RBFOX1: variants seen among roughly 807,000 people sequenced by gnomAD.
RBFOX1 encodes RNA binding protein fox-1 homolog 1.
RBFOX1 carries 8 observed loss-of-function variants against 57.7 expected under a neutral mutation model. That is an observed-to-expected ratio of 0.14 (90% CI 0.08 to 0.25). The LOEUF (loss-of-function observed/expected upper bound fraction) is 0.25, where lower values mean the gene tolerates loss of function less well. Among genes scored for constraint, RBFOX1 ranks in the 10% least tolerant of loss-of-function variants. The pLI, the probability that RBFOX1 is intolerant of heterozygous loss-of-function variation, is 1.00. For synonymous variants in RBFOX1, 326 were observed against 222.4 expected (o/e 1.47, Z -4.15); for missense variants, 611 against 548.5 (o/e 1.11, Z -1.14).
chr16:7,695,397 GA>G (rs35782295), intron 14 of RBFOX1, among the ~76,000 whole-genome samples: 94,234 of 151,798 alleles, frequency 0.62, 29,384 homozygotes, highest in Middle Eastern at 0.67. Context: ...CCTACATGCT[GA>G]AAAAACCTGC....
intron 2 of RBFOX1, among the ~76,000 whole-genome samples, chr16:6,379,722 A>G (rs1412375002): frequency 1.3e-5 from 2 of 151,254 alleles, no homozygotes; most frequent in African/African-American, 4.9e-5. Flanking sequence ...TGTAATCATG[A>G]TGGTGGGAAT....
In RBFOX1 at chr16:6,905,916, A is replaced by T. The variant is rs191797713; in HGVS notation, c.-15-146141A>T. 2.2e-3 allele frequency among the ~76,000 whole-genome samples: 338 copies of T among 152,252 alleles called. 2 individuals carry two copies. Among genetic ancestry groups the T allele is most frequent in the Middle Eastern group, 0.01 (3 of 294 alleles). On this transcript the variant is annotated intron_variant, in intron 3 of 15. Coordinates refer to ENST00000550418, the MANE Select transcript of RBFOX1 (RefSeq NM_018723.4). ...GTGTCCACAGGCTTTCTCTGTAGTG[A>T]CATTGACTTCCTTCTGCCCTTGTGT...
intron 4 of RBFOX1, among the ~76,000 whole-genome samples, chr16:7,140,896 G>C (rs922471): frequency 0.64 from 97,307 of 152,082 alleles, 34,786 homozygotes; most frequent in South Asian, 0.8. Context: ...ATTAGGCGTT[G>C]GCATCTTTCC....
At chr16:5,978,686 T>G (rs571196139) in intron 4 of RBFOX1, among the ~76,000 whole-genome samples, 33 of 152,056 alleles carry the variant, frequency 2.2e-4, no homozygotes, top group African/African-American at 7.5e-4. Flanking sequence ...TTGTTTTTTT[T>G]TTTGTTGTTG....
At chr16:5,767,093 C>T (rs1394416673) in intron 3 of RBFOX1, among the ~76,000 whole-genome samples, 4 of 152,202 alleles carry the variant, frequency 2.6e-5, no homozygotes, top group Admixed American at 1.3e-4. Flanking sequence ...AGACAGAAAC[C>T]GTGTTTGCAC....
chr16:5,564,068 C>A (rs577193300), intron 2 of RBFOX1, among the ~76,000 whole-genome samples: 40 of 152,208 alleles, frequency 2.6e-4, no homozygotes, highest in African/African-American at 9.6e-4. Flanking sequence ...GGCTGGAGTG[C>A]AGTGGTGCGA....
chr16:5,711,099 A>G (rs758171439), intron 3 of RBFOX1, among the ~76,000 whole-genome samples: 20 of 152,316 alleles, frequency 1.3e-4, no homozygotes, highest in Non-Finnish European at 2.1e-4. Context: ...TGTAGTAATG[A>G]TTGCATAATT....
At chr16:7,064,470 G>A (rs2055428124) in intron 4 of RBFOX1, among the ~76,000 whole-genome samples, 1 of 151,912 alleles carries the variant, frequency 6.6e-6, no homozygotes, top group Non-Finnish European at 1.5e-5. Flanking sequence ...TGCCTGGCTG[G>A]GTGGTGTTCT....
chr16:7,113,803 C>T (rs980402713), intron 4 of RBFOX1, among the ~76,000 whole-genome samples: 1 of 152,018 alleles, frequency 6.6e-6, no homozygotes, highest in African/African-American at 2.4e-5. Flanking sequence ...CATTAAAGTT[C>T]CCTCCCGTGC....
At chr16:7,242,514 A>G (rs2094116733) in intron 4 of RBFOX1, among the ~76,000 whole-genome samples, 1 of 152,168 alleles carries the variant, frequency 6.6e-6, no homozygotes, top group African/African-American at 2.4e-5. Context: ...CATCCTCATT[A>G]CACATTGACT....
intron 3 of RBFOX1, among the ~76,000 whole-genome samples, chr16:6,990,720 C>T (rs1419462097): frequency 6.6e-6 from 1 of 152,066 alleles, no homozygotes; most frequent in Non-Finnish European, 1.5e-5. Flanking sequence ...TGAGCTTGGA[C>T]AAGTTTCTTA....
intron 2 of RBFOX1, among the ~76,000 whole-genome samples, chr16:6,546,163 G>A (rs1392853808): frequency 6.6e-6 from 1 of 152,202 alleles, no homozygotes; most frequent in Non-Finnish European, 1.5e-5. Flanking sequence ...GTGGGCCATG[G>A]GTTGGACAAG....
intron 4 of RBFOX1, among the ~76,000 whole-genome samples, chr16:5,872,667 T>C (rs981167349): frequency 1.9e-4 from 29 of 151,698 alleles, no homozygotes; most frequent in African/African-American, 7.0e-4. Flanking sequence ...GCCCAGGAGG[T>C]TGAGGTTGCA....
intron 1 of RBFOX1, among the ~76,000 whole-genome samples, chr16:5,414,549 G>C (rs932244315): frequency 5.3e-5 from 8 of 152,142 alleles, no homozygotes; most frequent in Non-Finnish European, 1.2e-4. Context: ...TAGGCCTTAT[G>C]GCTTTCATCA....
intron 4 of RBFOX1, among the ~76,000 whole-genome samples, chr16:7,212,196 A>T (rs2091273277): frequency 6.6e-6 from 1 of 152,172 alleles, no homozygotes; most frequent in Non-Finnish European, 1.5e-5. Flanking sequence ...TGAGTGACAT[A>T]GGTCTTTTAG....
chr16:7,341,615 G>A (rs1023121054), intron 4 of RBFOX1, among the ~76,000 whole-genome samples: 4 of 152,154 alleles, frequency 2.6e-5, no homozygotes, highest in Non-Finnish European at 4.4e-5. Context: ...TTTATGCACA[G>A]TCCAAAGAAG....
At chr16:7,096,040 G>GAA (rs1367709847) in intron 4 of RBFOX1, among the ~76,000 whole-genome samples, 1 of 148,274 alleles carries the variant, frequency 6.7e-6, no homozygotes, top group East Asian at 2.0e-4. Flanking sequence ...GAAAAGAAAA[G>GAA]AAAAAATAAA....
At chr16:7,180,272 TATGTA>T (rs903174350) in intron 4 of RBFOX1, among the ~76,000 whole-genome samples, 5 of 152,198 alleles carry the variant, frequency 3.3e-5, no homozygotes, top group Admixed American at 6.5e-5. Context: ...TTTATGTCCT[TATGTA>T]ATGCTCTAGG....
intron 1 of RBFOX1, among the ~76,000 whole-genome samples, chr16:5,249,139 A>G (rs1461144764): frequency 1.3e-5 from 2 of 152,174 alleles, no homozygotes; most frequent in South Asian, 2.1e-4. Flanking sequence ...ACCTTTATTT[A>G]ACCTGCTCCA....
Sources: gnomAD v4.1 joint callset for allele counts (sites outside exome capture counted in the v4.1 genomes callset) on GRCh38, gnomAD v4.1.1 for gene constraint, MANE v1.5 for transcripts, NCBI Gene and HGNC (gene_info 2026-07-23, HGNC 2026-07-21) for gene names.